The following PRKCA variants were observed in gnomAD, a reference collection of about 807,000 sequenced individuals.
PRKCA encodes the protein protein kinase C alpha, also known as protein kinase C alpha type.
A neutral mutation model predicts 87.0 loss-of-function variants in PRKCA; 27 were observed. The observed-to-expected ratio is 0.31, with a 90% CI of 0.23 to 0.43. The LOEUF (loss-of-function observed/expected upper bound fraction) is 0.43, where lower values mean the gene tolerates loss of function less well. Among genes scored for constraint, PRKCA ranks in the 20% least tolerant of loss-of-function variants. The pLI, the probability that PRKCA is intolerant of heterozygous loss-of-function variation, is 1.00. For synonymous variants in PRKCA, 329 were observed against 311.1 expected, an observed-to-expected ratio of 1.06 and a Z score of -0.61; for missense variants, 518 against 852.3, an observed-to-expected ratio of 0.61 and a Z score of 4.88.
chr17:66,562,394 T>A (rs1968740084), intron 3 of PRKCA, among the ~76,000 whole-genome samples: 1 of 151,714 alleles, frequency 6.6e-6, no homozygotes, highest in African/African-American at 2.4e-5. Flanking sequence ...TGTCCATTCT[T>A]GGTCAGACCT....
At chr17:66,528,221 C>CAAAAAAA (rs60533049) in intron 3 of PRKCA, among the ~76,000 whole-genome samples, 1 of 85,946 alleles carries the variant, frequency 1.2e-5, no homozygotes, top group Non-Finnish European at 2.2e-5. Context: ...AACTCTGTCT[C>CAAAAAAA]AAAAAAAAAA....
At chr17:66,515,972 T>A (rs1260075867) in intron 3 of PRKCA, among the ~76,000 whole-genome samples, 3 of 152,240 alleles carry the variant, frequency 2.0e-5, no homozygotes, top group Non-Finnish European at 4.4e-5. Context: ...AGGAGCATTT[T>A]GTTGTAATCA....
At chr17:66,782,529 T>G (rs945173470) in intron 14 of PRKCA, among the ~76,000 whole-genome samples, 4 of 152,140 alleles carry the variant, frequency 2.6e-5, no homozygotes, top group African/African-American at 9.7e-5. Context: ...GGCAGCCTGA[T>G]TCCCATCAAT....
chr17:66,635,979 A>G (rs1379345852), intron 3 of PRKCA, among the ~76,000 whole-genome samples: 2 of 152,196 alleles, frequency 1.3e-5, no homozygotes, highest in South Asian at 2.1e-4. Flanking sequence ...AGAATTAAAG[A>G]GATGATCTAG....
intron 2 of PRKCA, among the ~76,000 whole-genome samples, chr17:66,450,102 A>G (rs1466676130): frequency 2.0e-5 from 3 of 151,740 alleles, no homozygotes; most frequent in Admixed American, 1.3e-4. Context: ...TTTTTATCCC[A>G]TACTAACTGG....
At chr17:66,765,585 C>T (rs1974796733) in intron 13 of PRKCA, among the ~76,000 whole-genome samples, 1 of 140,492 alleles carries the variant, frequency 7.1e-6, no homozygotes, top group Non-Finnish European at 1.6e-5. Context: ...AGCTATTTTG[C>T]ATTTTTTATA....
intron 5 of PRKCA, among the ~76,000 whole-genome samples, chr17:66,647,972 A>G (rs1971497731): frequency 1.3e-5 from 2 of 152,198 alleles, no homozygotes; most frequent in Admixed American, 1.3e-4. Flanking sequence ...TGCTATCACA[A>G]AATACCTTAG....
chr17:66,679,339 C>A (rs766953103), intron 5 of PRKCA, among the ~76,000 whole-genome samples: 1 of 152,126 alleles, frequency 6.6e-6, no homozygotes, highest in Non-Finnish European at 1.5e-5. Flanking sequence ...CGCCACCACA[C>A]CCGGCTAATT....
chr17:66,647,932 A>G (rs1340475791), intron 5 of PRKCA, among the ~76,000 whole-genome samples: 6 of 152,140 alleles, frequency 3.9e-5, no homozygotes, highest in African/African-American at 1.4e-4. Context: ...AATTAATAAT[A>G]ATAATAATAA....
chr17:66,553,300 A>T (rs1422934095), intron 3 of PRKCA, among the ~76,000 whole-genome samples: 1 of 152,150 alleles, frequency 6.6e-6, no homozygotes, highest in African/African-American at 2.4e-5. Flanking sequence ...TGATTTTTAA[A>T]TTGTGACTCC....
chr17:66,512,457 AGTGTGTGTGTGTGTGTGT>A (rs71160573), intron 3 of PRKCA, among the ~76,000 whole-genome samples: 12 of 144,364 alleles, frequency 8.3e-5, no homozygotes, highest in South Asian at 2.3e-4. Context: ...CAACAAAAAA[AGTGTGTGTGTGTGTGTGT>A]GTGTGTGTGT....
chr17:66,711,064 ATAAAT>A (rs942864869), intron 8 of PRKCA, among the ~76,000 whole-genome samples: 2 of 151,646 alleles, frequency 1.3e-5, no homozygotes, highest in African/African-American at 4.9e-5. Flanking sequence ...AATAAAATAA[ATAAAT>A]AAATAAATAA....
At chr17:66,705,593 G>T (rs1973172141) in intron 8 of PRKCA, among the ~76,000 whole-genome samples, 1 of 152,232 alleles carries the variant, frequency 6.6e-6, no homozygotes, top group Non-Finnish European at 1.5e-5. Context: ...GTGGGTGGAT[G>T]TTGCTGGTTG....
At chr17:66,352,467 G>A (rs1051340557) in intron 2 of PRKCA, among the ~76,000 whole-genome samples, 4 of 151,494 alleles carry the variant, frequency 2.6e-5, no homozygotes, top group Non-Finnish European at 4.4e-5. Context: ...TGCTGAGGCG[G>A]TTGACATTCT....
intron 2 of PRKCA, among the ~76,000 whole-genome samples, chr17:66,494,151 G>A (rs539072653): frequency 2.0e-5 from 3 of 152,170 alleles, no homozygotes; most frequent in Admixed American, 1.3e-4. Context: ...ACCCTCTTTG[G>A]TCTTCTGTAT....
intron 2 of PRKCA, 110 bp from the exon 3 acceptor site, chr17:66,496,091 T>C (rs1428092644): frequency 1.3e-6 from 1 of 792,972 alleles, no homozygotes; most frequent in African/African-American, 1.7e-5. Context: ...TAAGATTCTG[T>C]CTGTAGTGAA....
In PRKCA at chr17:66,497,490, C is replaced by G. The variant is rs150897069; in HGVS notation, c.288+1207C>G. Among the ~76,000 whole-genome samples, 829 of 150,656 alleles carry G rather than the reference C, an allele frequency of 5.5e-3. 6 individuals are homozygous for G. Among genetic ancestry groups the G allele is most frequent in the African/African-American group, 0.019 (780 of 41,000 alleles). Reference sequence around the variant, plus strand: ...CAACCTGGGCAACAAGAGCAAAACTCCGTCTCAAAAAAAAAAAAAGGATCC... The same window carrying G: ...CAACCTGGGCAACAAGAGCAAAACTGCGTCTCAAAAAAAAAAAAAGGATCC... On this transcript the variant is annotated intron_variant, in intron 3 of 16. Transcript: ENST00000413366.
chr17:66,318,177 C>A lies in PRKCA; in HGVS notation c.205+12050C>A, dbSNP rs547651187. Among the ~76,000 whole-genome samples, 14 of 152,266 alleles carry A rather than the reference C, an allele frequency of 9.2e-5. No homozygotes were observed. In the East Asian group the frequency reaches 2.3e-3, roughly 25 times the overall value. Reference sequence around the variant, plus strand: ...GAAGTGACTTTTGTTGCTTTAGTTTCACATTAGTTTCTTCAATCTGAATGG... The same window carrying A: ...GAAGTGACTTTTGTTGCTTTAGTTTAACATTAGTTTCTTCAATCTGAATGG... On this transcript the variant is annotated intron_variant, in intron 2 of 16. Transcript: ENST00000413366.
rs745688836 is a variant in PRKCA at position 66,622,735 on chromosome 17, C to T, written c.289-18620C>T. Reference sequence around the variant, plus strand: ...GGCTGGGGAGGCCTCACAATCATGGCGGAAGGTGAAAGGCACTTCTTAACA... The same window carrying T: ...GGCTGGGGAGGCCTCACAATCATGGTGGAAGGTGAAAGGCACTTCTTAACA... On this transcript the variant is annotated intron_variant, in intron 3 of 16. Transcript: ENST00000413366. Among the ~76,000 whole-genome samples the T allele has an allele frequency of 5.9e-5, 9 of 152,136 alleles. No individual in the cohort carries two copies. In the East Asian group the frequency reaches 7.7e-4, roughly 13 times the overall value.
Sources: allele counts gnomAD v4.1 joint callset (sites outside exome capture counted in the v4.1 genomes callset), GRCh38; gene constraint gnomAD v4.1.1; transcripts MANE v1.5; gene names NCBI Gene and HGNC (gene_info 2026-07-23, HGNC 2026-07-21).